Variants in LHFPL3 observed in about 807,000 individuals in gnomAD.
The protein encoded by LHFPL3 is LHFPL tetraspan subfamily member 3 protein.
A neutral mutation model predicts 19.3 loss-of-function variants in LHFPL3; 5 were observed. The observed-to-expected ratio is 0.26, with a 90% CI of 0.14 to 0.54. The LOEUF is 0.54. Among genes scored for constraint, LHFPL3 ranks in the 20% least tolerant of loss-of-function variants. The pLI is 0.94. For missense variants in LHFPL3, 249 were observed against 307.4 expected (o/e 0.81, Z 1.42); for synonymous variants, 133 against 126.2 (o/e 1.05, Z -0.36).
Position 104,394,969 on chromosome 7 carries a change from G to T in LHFPL3, c.445+65745G>T, listed in dbSNP as rs1017465815. On this transcript the variant is annotated intron_variant, in intron 1 of 2. Transcript: ENST00000424859. Reference sequence around the variant, plus strand: ...CCACCTCGGCCTCCCAAACTGCTGGGATTAAAGGCATGAGCCAGCACGCCA... The same window carrying T: ...CCACCTCGGCCTCCCAAACTGCTGGTATTAAAGGCATGAGCCAGCACGCCA... Among the ~76,000 whole-genome samples, 3 of 152,052 alleles carry T rather than the reference G, an allele frequency of 2.0e-5. 1 individual carries two copies. The highest frequency in any genetic ancestry group is 7.2e-5 in the African/African-American group (3 of 41,488).
chr7:104,419,438 C>A (rs1290175211), intron 1 of LHFPL3, among the ~76,000 whole-genome samples: 1 of 152,112 alleles, frequency 6.6e-6, no homozygotes, highest in Non-Finnish European at 1.5e-5. Context: ...GTTTGAAAGA[C>A]ATTGCCAAGT....
chr7:104,391,900 C>T (rs539052966), intron 1 of LHFPL3, among the ~76,000 whole-genome samples: 26 of 152,304 alleles, frequency 1.7e-4, no homozygotes, highest in Non-Finnish European at 3.1e-4. Flanking sequence ...AGGTCCTTCA[C>T]ATCCCTTGTA....
intron 1 of LHFPL3, among the ~76,000 whole-genome samples, chr7:104,572,276 AG>A (rs148919246): frequency 0.066 from 10,063 of 152,314 alleles, 514 homozygotes; most frequent in African/African-American, 0.15. Flanking sequence ...AAAAGACAAA[AG>A]TTCTCAAAAG....
intron 1 of LHFPL3, among the ~76,000 whole-genome samples, chr7:104,508,510 G>A (rs1793745285): frequency 6.6e-6 from 1 of 150,680 alleles, no homozygotes; most frequent in African/African-American, 2.4e-5. Context: ...CCTAATGCTA[G>A]ATGACGAGTT....
intron 1 of LHFPL3, among the ~76,000 whole-genome samples, chr7:104,493,689 C>G (rs544970545): frequency 2.7e-4 from 41 of 151,998 alleles, no homozygotes; most frequent in Non-Finnish European, 5.3e-4. Flanking sequence ...ATTGGTTTTA[C>G]TTGTGCAATA....
At chr7:104,813,069 A>C (rs574816733) in intron 2 of LHFPL3, among the ~76,000 whole-genome samples, 1 of 151,714 alleles carries the variant, frequency 6.6e-6, no homozygotes, top group African/African-American at 2.4e-5. Flanking sequence ...AGCCGAGATC[A>C]TGCCACTGCA....
rs1286625796 is a variant in LHFPL3, at chr7:104,731,690, T to C, written c.446-4985T>C. The stretch of plus-strand genomic sequence containing the variant: ...GCAAACAGGGACAATTTGACTTCCT[T>C]TTTTCCTAATTGAATACCCTTTATT... On this transcript the variant is annotated intron_variant, in intron 1 of 2. Transcript: ENST00000424859. Among the ~76,000 whole-genome samples, 249 of 151,400 alleles carry C rather than the reference T, an allele frequency of 1.6e-3. 3 individuals carry two copies. In the East Asian group the frequency reaches 0.019, roughly 11 times the overall value.
chr7:104,394,103 A>G (rs924515768), intron 1 of LHFPL3, among the ~76,000 whole-genome samples: 1 of 152,216 alleles, frequency 6.6e-6, no homozygotes, highest in African/African-American at 2.4e-5. Context: ...TAGTATGTGA[A>G]TTATGTTTTA....
intron 1 of LHFPL3, among the ~76,000 whole-genome samples, chr7:104,409,846 A>G (rs1791499337): frequency 6.6e-6 from 1 of 152,112 alleles, no homozygotes; most frequent in Non-Finnish European, 1.5e-5. Flanking sequence ...AGCTCTTGTT[A>G]CAGATCAACA....
intron 1 of LHFPL3, among the ~76,000 whole-genome samples, chr7:104,445,681 A>G (rs1420329718): frequency 2.6e-5 from 4 of 152,230 alleles, no homozygotes; most frequent in Non-Finnish European, 5.9e-5. Context: ...TTTTTTATAC[A>G]GAAACTTTTT....
chr7:104,583,447 A>G (rs904953294), intron 1 of LHFPL3, among the ~76,000 whole-genome samples: 2 of 152,210 alleles, frequency 1.3e-5, no homozygotes, highest in Non-Finnish European at 2.9e-5. Flanking sequence ...AACAAAAGCC[A>G]AAATTGACAA....
intron 1 of LHFPL3, among the ~76,000 whole-genome samples, chr7:104,425,001 A>T (rs1791813694): frequency 1.3e-5 from 2 of 150,230 alleles, no homozygotes; most frequent in South Asian, 4.2e-4. Context: ...AAAAAAAAAA[A>T]AAAAGAAGTA....
intron 2 of LHFPL3, among the ~76,000 whole-genome samples, chr7:104,886,312 C>T (rs1331942072): frequency 2.6e-5 from 4 of 152,146 alleles, no homozygotes; most frequent in African/African-American, 4.8e-5. Flanking sequence ...GCCACTAACT[C>T]GTGGCTCAAA....
chr7:104,904,394 T>C (rs773332917), intron 2 of LHFPL3, among the ~76,000 whole-genome samples: 1 of 152,234 alleles, frequency 6.6e-6, no homozygotes, highest in Non-Finnish European at 1.5e-5. Context: ...CTCATGCCTA[T>C]AATCCCAACA....
At chr7:104,669,732 A>G (rs935918967) in intron 1 of LHFPL3, among the ~76,000 whole-genome samples, 1 of 152,200 alleles carries the variant, frequency 6.6e-6, no homozygotes, top group African/African-American at 2.4e-5. Context: ...ATTATTTTGC[A>G]TGCTGCTGCA....
chr7:104,516,161 G>A (rs1037674174), intron 1 of LHFPL3, among the ~76,000 whole-genome samples: 3 of 152,090 alleles, frequency 2.0e-5, no homozygotes, highest in African/African-American at 4.8e-5. Context: ...GGCAGAAGGG[G>A]AAACAAACAC....
At chr7:104,615,974 A>G (rs2193208) in intron 1 of LHFPL3, among the ~76,000 whole-genome samples, 61,601 of 151,900 alleles carry the variant, frequency 0.41, 13,382 homozygotes, top group South Asian at 0.53. Flanking sequence ...ACCACTGCTC[A>G]AGGAAATAAG....
At chr7:104,857,938 C>T (rs763534758) in intron 2 of LHFPL3, among the ~76,000 whole-genome samples, 6 of 152,168 alleles carry the variant, frequency 3.9e-5, no homozygotes, top group Non-Finnish European at 8.8e-5. Flanking sequence ...TACACAGCAG[C>T]TTCTGTGGCA....
At chr7:104,807,410 T>C (rs1051523389) in intron 2 of LHFPL3, among the ~76,000 whole-genome samples, 10 of 152,316 alleles carry the variant, frequency 6.6e-5, no homozygotes, top group African/African-American at 2.4e-4. Context: ...TCTGCAGAAC[T>C]GTTAGACGAT....
Sources: gnomAD v4.1 joint callset for allele counts (sites outside exome capture counted in the v4.1 genomes callset) on GRCh38, gnomAD v4.1.1 for gene constraint, MANE v1.5 for transcripts, NCBI Gene and HGNC (gene_info 2026-07-23, HGNC 2026-07-21) for gene names.